KLHDC8A: variants seen among roughly 807,000 people sequenced by gnomAD.
KLHDC8A encodes kelch domain containing 8A, also known as kelch domain-containing protein 8A.
In KLHDC8A, 21 loss-of-function variants were observed where a neutral mutation model predicts 33.1. The observed-to-expected ratio is 0.64, with a 90% confidence interval of 0.45 to 0.91. The LOEUF (loss-of-function observed/expected upper bound fraction) is 0.91, where lower values mean the gene tolerates loss of function less well. KLHDC8A is among the 40% of genes least tolerant of loss of function. The pLI is 0.00. For synonymous variants in KLHDC8A, 173 were observed against 193.5 expected (o/e 0.89, Z 0.88); for missense variants, 435 against 483.3 (o/e 0.90, Z 0.94).
intron 1 of KLHDC8A, chr1:205,351,601 T>A (rs1663107466): frequency 1.2e-4 from 32 of 258,318 alleles, no homozygotes; most frequent in Middle Eastern, 1.3e-3. Flanking sequence ...TCTGTAATAG[T>A]CAAAAAAAAA....
At chr1:205,340,516 G>A (rs1415744258) in intron 2 of KLHDC8A, among the ~76,000 whole-genome samples, 3 of 151,918 alleles carry the variant, frequency 2.0e-5, no homozygotes, top group Admixed American at 2.0e-4. Context: ...ACAGAGTCTT[G>A]TTTTGTTGCC....
chr1:205,345,839 C>T (rs1662932336), intron 1 of KLHDC8A, among the ~76,000 whole-genome samples: 2 of 152,074 alleles, frequency 1.3e-5, no homozygotes, highest in African/African-American at 4.8e-5. Flanking sequence ...CTTTGGATGG[C>T]CGAGGTACGT....
At position 205,356,732 on chromosome 1, in the gene KLHDC8A, G is replaced by C; in HGVS notation, c.-389C>G. 2.6e-6 allele frequency: 1 copy of C among 382,224 alleles called. No homozygotes were observed. The highest frequency in any genetic ancestry group is 5.3e-6 in the Non-Finnish European group (1 of 189,484). The allele number at this position is 382,224 out of a possible 1,614,324, so 23.7% of individuals were successfully genotyped here. ...CCACTGCTGCTGCCTCTGGCTGATCGACTGGGATGCAGCCAGGCCCCTATG... is the reference window on the plus strand; with the variant it reads ...CCACTGCTGCTGCCTCTGGCTGATCCACTGGGATGCAGCCAGGCCCCTATG... On this transcript the variant is annotated 5_prime_UTR_variant, in exon 1 of 6. Transcript: ENST00000367155.
intron 2 of KLHDC8A, among the ~76,000 whole-genome samples, chr1:205,341,236 C>T (rs549972917): frequency 1.4e-4 from 21 of 152,288 alleles, no homozygotes; most frequent in African/African-American, 4.8e-4. Context: ...CTCAGGGAGC[C>T]ACCCCTGCCC....
At position 205,339,474 on chromosome 1, in the gene KLHDC8A, A is replaced by G; in HGVS notation, c.542-65T>C. On this transcript the variant is annotated intron_variant, in intron 3 of 5. Coordinates refer to ENST00000367155, the MANE Select transcript of KLHDC8A (RefSeq NM_018203.3). The surrounding 1 kb of genome is among the most constrained non-coding windows in gnomAD (Gnocchi z 5.1). ...GTCCCTGAGGACAGCGACAGTGAAA[A>G]GGGTTTCCCCTTTTGACAGTTACTC... The G allele has an allele frequency of 2.0e-6, 3 of 1,508,938 alleles. No homozygotes were observed. Among genetic ancestry groups the G allele is most frequent in the Non-Finnish European group, 1.8e-6 (2 of 1,096,474 alleles). 93.5% of individuals were successfully genotyped at this position (1,508,938 alleles called of 1,614,324 possible).
At position 205,337,525 on chromosome 1, in the gene KLHDC8A, G is replaced by A; in HGVS notation, c.927C>T (p.Leu309=). Residue 309 remains leucine, a synonymous_variant, in exon 6 of 6, where the codon CTC becomes CTT. Transcript: ENST00000367155. ...CACAGCGGGGTGTGGGCATGGCAGG[G>A]AGGATCTCCCATTTGTTCTTCCCTG... is the stretch of plus-strand genomic sequence containing the variant. ...FHPGKNKWEI[L]PAMPTPRCAC... 1 of 1,614,014 alleles carries A rather than the reference G, an allele frequency of 6.2e-7. No individual in the cohort carries two copies. Among genetic ancestry groups the A allele is most frequent in the Non-Finnish European group, 8.5e-7 (1 of 1,179,974 alleles).
intron 2 of KLHDC8A, among the ~76,000 whole-genome samples, chr1:205,343,024 GT>G (rs1662831821): frequency 6.6e-6 from 1 of 152,196 alleles, no homozygotes; most frequent in South Asian, 2.1e-4. Flanking sequence ...GTGTCTGGGG[GT>G]GGTGGCACCT....
At chr1:205,353,549 T>C (rs1663179965) in intron 1 of KLHDC8A, among the ~76,000 whole-genome samples, 1 of 152,200 alleles carries the variant, frequency 6.6e-6, no homozygotes, top group South Asian at 2.1e-4. Flanking sequence ...TTTTCTTGTT[T>C]GTGTGATACA....
At position 205,337,402 on chromosome 1, in the gene KLHDC8A, G is replaced by A. The variant is rs1269804621; in HGVS notation, c.1050C>T (p.Ser350=). The change falls in exon 6 of 6, where the codon TCC becomes TCT. Residue 350 remains serine (S), a synonymous_variant. Transcript: ENST00000367155. ...AAGGTACTGAGCCCAGAGACAGCTA[G>A]GAGTCAGAGACACACAGGGCCTCCA... ...DAVEALCVSD[S] The A allele has an allele frequency of 1.9e-6, 3 of 1,611,892 alleles. No individual in the cohort carries two copies. Among genetic ancestry groups the A allele is most frequent in the Non-Finnish European group, 2.5e-6 (3 of 1,178,950 alleles).
chr1:205,341,673 C>T (rs1270093270), intron 2 of KLHDC8A, among the ~76,000 whole-genome samples: 5 of 150,998 alleles, frequency 3.3e-5, no homozygotes, highest in South Asian at 2.1e-4. Flanking sequence ...TTTTTTGATA[C>T]GGAGTCTTGC....
At chr1:205,348,746 G>T (rs1473624643) in intron 1 of KLHDC8A, among the ~76,000 whole-genome samples, 1 of 152,124 alleles carries the variant, frequency 6.6e-6, no homozygotes, top group Non-Finnish European at 1.5e-5. Flanking sequence ...TTTCAGGCTA[G>T]TGTGCCCCCC....
intron 1 of KLHDC8A, among the ~76,000 whole-genome samples, chr1:205,356,089 C>T (rs558445011): frequency 3.3e-5 from 5 of 151,876 alleles, no homozygotes; most frequent in African/African-American, 1.2e-4. Context: ...CCCCCTCCCC[C>T]CCTCCCTCCT....
intron 1 of KLHDC8A, 140 bp downstream of exon 1, chr1:205,356,393 C>T (rs1229443807): frequency 2.6e-6 from 1 of 383,466 alleles, no homozygotes; most frequent in South Asian, 1.9e-5. Flanking sequence ...CCTTGGAGAC[C>T]CTTGTCCCTC....
At chr1:205,340,914 G>C (rs1209420334) in intron 2 of KLHDC8A, among the ~76,000 whole-genome samples, 1 of 152,232 alleles carries the variant, frequency 6.6e-6, no homozygotes. Context: ...TGCTGGTTCT[G>C]TGTCTGCCAG....
At chr1:205,337,882 A>C (rs1468085354) in intron 5 of KLHDC8A, among the ~76,000 whole-genome samples, 4 of 152,174 alleles carry the variant, frequency 2.6e-5, no homozygotes, top group African/African-American at 9.7e-5. Flanking sequence ...TTTCCTAAAA[A>C]AGCTACTGAC....
Position 205,336,646 on chromosome 1 carries a change from G to A in KLHDC8A, c.*753C>T, listed in dbSNP as rs1449246888. The A allele has an allele frequency of 6.5e-6, 1 of 152,690 alleles. No homozygotes were observed. The highest frequency in any genetic ancestry group is 1.5e-5 in the Non-Finnish European group (1 of 68,096). 9.5% of individuals were successfully genotyped at this position (152,690 alleles called of 1,614,324 possible). A position where few individuals can be genotyped will look rare whatever the true frequency, so the allele number is the denominator to read the frequency against. On this transcript the variant is annotated 3_prime_UTR_variant, in exon 6 of 6. Transcript: ENST00000367155. ...CACAGAAACACTCTGGGGGCCTTCG[G>A]TGACAAAAGGGCTAGGCCTCTGGTG... is the stretch of plus-strand genomic sequence containing the variant.
At chr1:205,342,450 T>C (rs990004508) in intron 2 of KLHDC8A, among the ~76,000 whole-genome samples, 4 of 152,200 alleles carry the variant, frequency 2.6e-5, no homozygotes, top group Non-Finnish European at 5.9e-5. Context: ...AGGGAACAGA[T>C]CTTCCGCCTC....
chr1:205,346,728 C>G (rs1166632992), intron 1 of KLHDC8A, among the ~76,000 whole-genome samples: 1 of 152,196 alleles, frequency 6.6e-6, no homozygotes, highest in African/African-American at 2.4e-5. Flanking sequence ...AAATCCAGTG[C>G]TCCTTTACTT....
At chr1:205,349,567 T>C (rs1316373517) in intron 1 of KLHDC8A, among the ~76,000 whole-genome samples, 2 of 152,232 alleles carry the variant, frequency 1.3e-5, no homozygotes, top group African/African-American at 4.8e-5. Context: ...CACACGCTCC[T>C]CTGCTGTTTA....
Sources: allele counts gnomAD v4.1 joint callset (sites outside exome capture counted in the v4.1 genomes callset), GRCh38; gene constraint gnomAD v4.1.1; non-coding constraint Gnocchi (gnomAD v3.1); transcripts MANE v1.5; gene names NCBI Gene and HGNC (gene_info 2026-07-23, HGNC 2026-07-21).